Variants in TBXAS1 observed in about 807,000 individuals in gnomAD.
TBXAS1 encodes thromboxane A synthase 1.
A neutral mutation model predicts 60.7 loss-of-function variants in TBXAS1; 48 were observed. That is an observed-to-expected ratio of 0.79 (90% CI 0.63 to 1.01). TBXAS1 has a LOEUF of 1.01. Among genes scored for constraint, TBXAS1 ranks in the 50% least tolerant of loss-of-function variants. The pLI is 0.00. For missense variants in TBXAS1, 685 were observed against 686.3 expected (o/e 1.00, Z 0.02); for synonymous variants, 287 against 269.7 (o/e 1.06, Z -0.63).
chr7:139,826,565 T>C (rs1228353039), upstream of TBXAS1, among the ~76,000 whole-genome samples: 3 of 152,210 alleles, frequency 2.0e-5, no homozygotes, highest in Non-Finnish European at 4.4e-5. Flanking sequence ...AAATACCAAA[T>C]TTATGTTGAT....
intron 9 of TBXAS1, among the ~76,000 whole-genome samples, chr7:139,969,349 C>T (rs150399652): frequency 1.3e-5 from 2 of 149,246 alleles, no homozygotes; most frequent in Non-Finnish European, 3.0e-5. Flanking sequence ...ACATTCTGTG[C>T]TGGTTATTTC....
intron 3 of TBXAS1, among the ~76,000 whole-genome samples, chr7:139,880,704 C>T (rs1802628400): frequency 6.6e-6 from 1 of 152,080 alleles, no homozygotes; most frequent in Admixed American, 6.6e-5. Flanking sequence ...TGAATGTATC[C>T]TAATTTTTAA....
At chr7:140,003,105 CA>C (rs1813795530) in intron 9 of TBXAS1, among the ~76,000 whole-genome samples, 1 of 123,356 alleles carries the variant, frequency 8.1e-6, no homozygotes, top group African/African-American at 3.1e-5. Flanking sequence ...GCCTGGGCAA[CA>C]AGAGCGAAAC....
intron 9 of TBXAS1, among the ~76,000 whole-genome samples, chr7:139,965,051 T>A (rs1261974785): frequency 6.6e-6 from 1 of 152,176 alleles, no homozygotes; most frequent in African/African-American, 2.4e-5. Flanking sequence ...AAACTCCATC[T>A]CTACTAAAAC....
chr7:139,882,624 A>G (rs1802779108), intron 3 of TBXAS1, among the ~76,000 whole-genome samples: 1 of 152,240 alleles, frequency 6.6e-6, no homozygotes, highest in Non-Finnish European at 1.5e-5. Flanking sequence ...AAATGAAAAT[A>G]TACATAGTAT....
At chr7:139,805,441 C>T (rs1211804292) in intron 4 of TBXAS1, among the ~76,000 whole-genome samples, 1 of 152,228 alleles carries the variant, frequency 6.6e-6, no homozygotes, top group Non-Finnish European at 1.5e-5. Context: ...GGAGTGCTTC[C>T]TGTTCCTCAG....
At chr7:139,879,145 A>G (rs2116857901) in intron 3 of TBXAS1, among the ~76,000 whole-genome samples, 1 of 152,348 alleles carries the variant, frequency 6.6e-6, no homozygotes, top group Non-Finnish European at 1.5e-5. Flanking sequence ...GTTTCCATCA[A>G]GATGGGCAGA....
In TBXAS1 at chr7:139,843,704, A is replaced by C. The variant is rs572914920; in HGVS notation, c.89+14225A>C. Among the ~76,000 whole-genome samples, 118 of 152,338 alleles carry C rather than the reference A, an allele frequency of 7.7e-4. 2 individuals carry two copies. The South Asian group carries it at 7.9e-3, about 10-fold the overall frequency. The stretch of plus-strand genomic sequence containing the variant: ...CTTGGCTTGACTGTAAGTCCCTAAG[A>C]GGAGGGCCCACATCTTAAGCCAGTG... On this transcript the variant is annotated intron_variant, in intron 1 of 12. Transcript: ENST00000448866.
chr7:139,889,929 T>C (rs1406656156), intron 3 of TBXAS1, among the ~76,000 whole-genome samples: 2 of 152,124 alleles, frequency 1.3e-5, no homozygotes. Context: ...GACTTAGGAA[T>C]GAAGCACTCA....
At chr7:139,814,818 T>C (rs1195022339) in intron 4 of TBXAS1, among the ~76,000 whole-genome samples, 3 of 152,168 alleles carry the variant, frequency 2.0e-5, no homozygotes, top group Admixed American at 6.5e-5. Context: ...TTGTAGTTCT[T>C]GGCACTGACC....
chr7:139,822,629 G>A (rs114926193), intron 4 of TBXAS1, among the ~76,000 whole-genome samples: 13 of 152,240 alleles, frequency 8.5e-5, no homozygotes, highest in South Asian at 4.1e-4. Flanking sequence ...AGTCCCTGTC[G>A]TACTGTATGG....
At chr7:139,978,273 C>CCAAGGTGGG (rs1811700299) in intron 9 of TBXAS1, among the ~76,000 whole-genome samples, 1 of 152,074 alleles carries the variant, frequency 6.6e-6, no homozygotes, top group African/African-American at 2.4e-5. Context: ...CTTTGGGAGG[C>CCAAGGTGGG]AGAGTTCAGG....
intron 4 of TBXAS1, among the ~76,000 whole-genome samples, chr7:139,788,031 A>G (rs1457206254): frequency 6.6e-6 from 1 of 152,250 alleles, no homozygotes; most frequent in Non-Finnish European, 1.5e-5. Context: ...CAAAATAGTG[A>G]TGAATGTAAA....
chr7:139,782,939 T>G (rs1311483914), intron 3 of TBXAS1, among the ~76,000 whole-genome samples: 4 of 152,240 alleles, frequency 2.6e-5, no homozygotes, highest in African/African-American at 4.8e-5. Context: ...CTATTTTTGT[T>G]TGGATTATTC....
chr7:139,809,213 TA>T (rs1797953667), intron 4 of TBXAS1, among the ~76,000 whole-genome samples: 1 of 128,478 alleles, frequency 7.8e-6, no homozygotes, highest in African/African-American at 3.3e-5. Context: ...GATAGATAGA[TA>T]GATAGATAGA....
intron 3 of TBXAS1, among the ~76,000 whole-genome samples, chr7:139,783,741 G>A (rs1041052606): frequency 1.3e-5 from 2 of 152,190 alleles, no homozygotes; most frequent in African/African-American, 4.8e-5. Flanking sequence ...CAATTGTAAG[G>A]TTTCCTCCCA....
At chr7:139,786,539 TTTC>T (rs1797207045) in intron 3 of TBXAS1, among the ~76,000 whole-genome samples, 1 of 152,196 alleles carries the variant, frequency 6.6e-6, no homozygotes, top group African/African-American at 2.4e-5. Flanking sequence ...AGGGTTCTTT[TTTC>T]TTTCTTTCTT....
intron 9 of TBXAS1, among the ~76,000 whole-genome samples, chr7:139,993,453 A>G (rs1376480649): frequency 6.6e-6 from 1 of 152,230 alleles, no homozygotes; most frequent in Non-Finnish European, 1.5e-5. Context: ...ATCAGTGAAT[A>G]CAGGGTATTA....
intron 1 of TBXAS1, among the ~76,000 whole-genome samples, chr7:139,834,075 A>T (rs7804587): frequency 0.48 from 72,843 of 152,044 alleles, 18,389 homozygotes; most frequent in East Asian, 0.89. Context: ...AACAAGCCTC[A>T]ATAAATTTAA....
Sources: allele counts gnomAD v4.1 joint callset (sites outside exome capture counted in the v4.1 genomes callset), GRCh38; gene constraint gnomAD v4.1.1; transcripts MANE v1.5; gene names NCBI Gene and HGNC (gene_info 2026-07-23, HGNC 2026-07-21).